The following TMEM272 variants were observed in gnomAD, a reference collection of about 807,000 sequenced individuals.
TMEM272 encodes transmembrane protein 272.
In TMEM272, 8 loss-of-function variants were observed where a neutral mutation model predicts 3.7. That is an observed-to-expected ratio of 2.17 (90% CI 1.27 to 3.91). TMEM272 has a LOEUF of 3.91. TMEM272 is among the 30% of genes most tolerant of loss of function. The pLI is 0.00. For missense variants in TMEM272, 166 were observed against 91.5 expected, an observed-to-expected ratio of 1.81 and a Z score of -3.32; for synonymous variants, 63 against 39.8, an observed-to-expected ratio of 1.58 and a Z score of -2.20.
chr13:51,816,749 TGTCA>T lies in TMEM272; in HGVS notation c.562_*1del, dbSNP rs1323015657. On this transcript the variant is annotated stop_lost and 3_prime_UTR_variant, in exon 5 of 5. Coordinates refer to ENST00000629372, the MANE Select transcript of TMEM272 (RefSeq NM_001351003.2). Reference sequence around the variant, plus strand: ...TACATGGTATGCTGGACAAGGCAGCTGTCAGTCTTCATCGGCAGCAAGTCTCCAC... The same window carrying T: ...TACATGGTATGCTGGACAAGGCAGCTGTCTTCATCGGCAGCAAGTCTCCAC... 2.9e-6 allele frequency: 2 copies of T among 696,478 alleles called. No individual in the cohort carries two copies. Among genetic ancestry groups the T allele is most frequent in the Admixed American group, 4.0e-5 (2 of 49,862 alleles). The allele number at this position is 696,478 out of a possible 1,614,324, so 43.1% of individuals were successfully genotyped here.
At chr13:51,876,461 C>T in the TMEM272 span, among the ~76,000 whole-genome samples, 1 of 152,230 alleles carries the variant, frequency 6.6e-6, no homozygotes, top group Non-Finnish European at 1.5e-5. Context: ...ATTACCTATG[C>T]ACAGATTCAC....
intron 1 of TMEM272, among the ~76,000 whole-genome samples, chr13:51,843,595 A>AT (rs1295384917): frequency 1.3e-5 from 2 of 152,156 alleles, no homozygotes; most frequent in Non-Finnish European, 2.9e-5. Context: ...GAAAACGTAC[A>AT]TTTTTTCTTA....
At chr13:51,895,560 C>T in the TMEM272 span, among the ~76,000 whole-genome samples, 1 of 152,002 alleles carries the variant, frequency 6.6e-6, no homozygotes, top group Admixed American at 6.6e-5. Context: ...CCACCTGGGA[C>T]ATTTATCCAT....
chr13:51,865,981 G>A, the TMEM272 span: 2 of 1,613,978 alleles, frequency 1.2e-6, no homozygotes, highest in Admixed American at 3.3e-5. Flanking sequence ...TCTGGATGGA[G>A]AACAATGGCC....
At chr13:51,836,147 G>A (rs1387952963) in intron 2 of TMEM272, among the ~76,000 whole-genome samples, 1 of 152,206 alleles carries the variant, frequency 6.6e-6, no homozygotes, top group Non-Finnish European at 1.5e-5. Flanking sequence ...CCTGGGAGCA[G>A]AGTAAATGAG....
At chr13:51,838,403 T>C in intron 2 of TMEM272, 70 bp downstream of exon 2, 1 of 702,856 alleles carries the variant, frequency 1.4e-6, no homozygotes, top group Non-Finnish European at 2.6e-6. Context: ...CACTCCAGCT[T>C]TAGCTCATCG....
At chr13:51,828,759 T>C (rs530209837) in intron 2 of TMEM272, among the ~76,000 whole-genome samples, 1 of 152,346 alleles carries the variant, frequency 6.6e-6, no homozygotes, top group East Asian at 1.9e-4. Flanking sequence ...GAAATGCTCA[T>C]GTCTGCTGCC....
chr13:51,871,510 G>A, the TMEM272 span, among the ~76,000 whole-genome samples: 2 of 152,002 alleles, frequency 1.3e-5, no homozygotes, highest in African/African-American at 2.4e-5. Flanking sequence ...CATGTCACAA[G>A]GACACATAGG....
the TMEM272 span, among the ~76,000 whole-genome samples, chr13:51,917,555 G>A: frequency 6.6e-6 from 1 of 152,144 alleles, no homozygotes; most frequent in African/African-American, 2.4e-5. Flanking sequence ...GGAGATGCTA[G>A]GGAAACCCAC....
chr13:51,842,339 C>T (rs1956270516), intron 1 of TMEM272, among the ~76,000 whole-genome samples: 1 of 152,120 alleles, frequency 6.6e-6, no homozygotes, highest in Admixed American at 6.5e-5. Flanking sequence ...TCTTAAAATT[C>T]AAGAAGTATT....
chr13:51,864,347 C>T, the TMEM272 span, among the ~76,000 whole-genome samples: 1 of 152,320 alleles, frequency 6.6e-6, no homozygotes, highest in South Asian at 2.1e-4. Context: ...CCTCATCCCA[C>T]ACTCCAAATC....
chr13:51,873,449 T>C, the TMEM272 span, among the ~76,000 whole-genome samples: 1 of 152,224 alleles, frequency 6.6e-6, no homozygotes, highest in Admixed American at 6.5e-5. Context: ...ATATAATGCC[T>C]AACACTAAAA....
At chr13:51,887,332 T>C in the TMEM272 span, among the ~76,000 whole-genome samples, 1 of 152,342 alleles carries the variant, frequency 6.6e-6, no homozygotes, top group South Asian at 2.1e-4. Context: ...ACTGCTTCCA[T>C]TCTTAGACAT....
the TMEM272 span, among the ~76,000 whole-genome samples, chr13:51,916,734 A>C: frequency 6.6e-6 from 1 of 152,316 alleles, no homozygotes; most frequent in Admixed American, 6.5e-5. Flanking sequence ...CATCTTTTAA[A>C]TCATCCATGT....
chr13:51,862,699 G>A, the TMEM272 span, among the ~76,000 whole-genome samples: 13 of 152,170 alleles, frequency 8.5e-5, no homozygotes, highest in African/African-American at 3.1e-4. Flanking sequence ...AGTGCTGAAG[G>A]ATTCGCTAGG....
the TMEM272 span, among the ~76,000 whole-genome samples, chr13:51,887,120 G>A: frequency 3.3e-5 from 5 of 152,114 alleles, no homozygotes; most frequent in South Asian, 1.0e-3. Flanking sequence ...TCCCTACAAG[G>A]CAGTGTGCTC....
upstream of TMEM272, among the ~76,000 whole-genome samples, chr13:51,846,082 C>T (rs545551699): frequency 6.6e-6 from 1 of 152,326 alleles, no homozygotes; most frequent in South Asian, 2.1e-4. Flanking sequence ...TCTGAAGCTA[C>T]CCCTGCATTG....
chr13:51,833,164 ACACT>A (rs1355228745), intron 2 of TMEM272, among the ~76,000 whole-genome samples: 1 of 152,132 alleles, frequency 6.6e-6, no homozygotes, highest in African/African-American at 2.4e-5. Context: ...AGAGACAGAG[ACACT>A]CAGAGTGGTT....
intron 2 of TMEM272, among the ~76,000 whole-genome samples, chr13:51,838,038 G>A (rs1956230515): frequency 6.6e-6 from 1 of 152,176 alleles, no homozygotes; most frequent in Non-Finnish European, 1.5e-5. Flanking sequence ...ATATGGTCCA[G>A]CCCCTCTGGA....
Sources: allele counts gnomAD v4.1 joint callset (sites outside exome capture counted in the v4.1 genomes callset), GRCh38; gene constraint gnomAD v4.1.1; transcripts MANE v1.5; gene names NCBI Gene and HGNC (gene_info 2026-07-23, HGNC 2026-07-21).